MYO16: variants seen among roughly 807,000 people sequenced by gnomAD.
MYO16 encodes the protein myosin XVI.
Under a neutral mutation model 205.3 loss-of-function variants are expected in MYO16, and 94 were observed. The ratio of observed to expected loss-of-function variants is 0.46; its 90% CI spans 0.39 to 0.54. The LOEUF (loss-of-function observed/expected upper bound fraction) is 0.54, where lower values mean the gene tolerates loss of function less well. MYO16 is among the 20% of genes least tolerant of loss of function. The pLI is 0.00. For synonymous variants in MYO16, 988 were observed against 954.0 expected (o/e 1.04, Z -0.66); for missense variants, 2,315 against 2,387.5 (o/e 0.97, Z 0.63).
chr13:108,629,924 T>G (rs1358994987), intron 1 of MYO16, 52 bp downstream of exon 1: 2 of 1,483,132 alleles, frequency 1.3e-6, no homozygotes, highest in East Asian at 2.5e-5. Context: ...GTTGAAGTAT[T>G]ATTTTGTGCA....
intron 27 of MYO16, among the ~76,000 whole-genome samples, chr13:109,058,579 A>G (rs1249957341): frequency 6.6e-6 from 1 of 152,146 alleles, no homozygotes; most frequent in African/African-American, 2.4e-5. Flanking sequence ...ATTTTAAAAT[A>G]TTTTTTGCTA....
intron 16 of MYO16, among the ~76,000 whole-genome samples, chr13:108,933,519 ATGTG>A (rs1189194198): frequency 6.8e-6 from 1 of 147,592 alleles, no homozygotes; most frequent in Non-Finnish European, 1.5e-5. Flanking sequence ...GTGTGTGTGT[ATGTG>A]TGTGTGTATG....
chr13:108,521,720 T>TAA, the MYO16 span, among the ~76,000 whole-genome samples: 2 of 152,176 alleles, frequency 1.3e-5, no homozygotes, highest in African/African-American at 4.8e-5. Context: ...TAATTATATA[T>TAA]AATGATCTGT....
Position 109,207,826 on chromosome 13 carries a change from A to G in MYO16, c.*990A>G, listed in dbSNP as rs7993754. Reference sequence around the variant, plus strand: ...GGGACTTACACTGCATGATTCCCTCACTGTATATCCTCAACCCTCCCATAA... The same window carrying G: ...GGGACTTACACTGCATGATTCCCTCGCTGTATATCCTCAACCCTCCCATAA... On this transcript the variant is annotated 3_prime_UTR_variant, in exon 35 of 35. Transcript: ENST00000457511. 94,258 of 152,142 alleles carry G rather than the reference A, an allele frequency of 0.62. 31,447 individuals are homozygous for G. The highest frequency in any genetic ancestry group is 0.86 in the African/African-American group (35,666 of 41,518). 9.4% of individuals were successfully genotyped at this position (152,142 alleles called of 1,614,324 possible). A position where few individuals can be genotyped will look rare whatever the true frequency, so the allele number is the denominator to read the frequency against.
At chr13:108,895,971 A>G (rs1880393346) in intron 14 of MYO16, among the ~76,000 whole-genome samples, 1 of 152,214 alleles carries the variant, frequency 6.6e-6, no homozygotes, top group Non-Finnish European at 1.5e-5. Flanking sequence ...AGAATTAAGG[A>G]AAATGAGGTT....
intron 32 of MYO16, among the ~76,000 whole-genome samples, chr13:109,143,983 T>C (rs546331980): frequency 5.6e-4 from 85 of 152,112 alleles, no homozygotes; most frequent in African/African-American, 1.8e-3. Context: ...TGTAGTTAGA[T>C]TATGGGAGTC....
At chr13:108,913,984 GA>G (rs1881377610) in intron 16 of MYO16, among the ~76,000 whole-genome samples, 1 of 151,738 alleles carries the variant, frequency 6.6e-6, no homozygotes, top group African/African-American at 2.4e-5. Flanking sequence ...AATTTGTTCT[GA>G]CCACGAGGCA....
chr13:108,916,674 A>G (rs1462333230), intron 16 of MYO16, among the ~76,000 whole-genome samples: 1 of 152,222 alleles, frequency 6.6e-6, no homozygotes, highest in Non-Finnish European at 1.5e-5. Context: ...TAGCCATTAT[A>G]TGAGTGTTAG....
chr13:109,048,617 C>G (rs1887132576), intron 24 of MYO16: 5 of 339,920 alleles, frequency 1.5e-5, no homozygotes, highest in East Asian at 4.4e-5. Flanking sequence ...CTCACTCACT[C>G]TATCATAAAA....
At chr13:108,500,729 C>G in the MYO16 span, among the ~76,000 whole-genome samples, 1 of 152,192 alleles carries the variant, frequency 6.6e-6, no homozygotes. Flanking sequence ...GGACCAGGCC[C>G]TAATTCATCT....
chr13:108,968,893 T>C, intron 20 of MYO16, among the ~76,000 whole-genome samples: 1 of 152,172 alleles, frequency 6.6e-6, no homozygotes, highest in Non-Finnish European at 1.5e-5. Flanking sequence ...CCAGGCTTCC[T>C]CCTAGACTCT....
the MYO16 span, among the ~76,000 whole-genome samples, chr13:108,553,023 T>C: frequency 8.3e-6 from 1 of 120,668 alleles, no homozygotes; most frequent in Non-Finnish European, 1.6e-5. Flanking sequence ...TTTTTTTTTT[T>C]TTTTTTTTTT....
intron 16 of MYO16, among the ~76,000 whole-genome samples, chr13:108,918,330 A>G (rs188323464): frequency 6.6e-6 from 1 of 152,392 alleles, no homozygotes; most frequent in East Asian, 1.9e-4. Context: ...ACACAACTGC[A>G]CATGCATATA....
chr13:109,156,116 T>C (rs1435911260), intron 32 of MYO16, among the ~76,000 whole-genome samples: 2 of 152,226 alleles, frequency 1.3e-5, no homozygotes, highest in Non-Finnish European at 2.9e-5. Flanking sequence ...ATCTATATTT[T>C]AGAGATTTAA....
At chr13:108,588,974 A>G in the MYO16 span, among the ~76,000 whole-genome samples, 1 of 152,044 alleles carries the variant, frequency 6.6e-6, no homozygotes, top group African/African-American at 2.4e-5. Flanking sequence ...TGTGTACAAC[A>G]CATTGGAATC....
At chr13:109,103,000 T>G (rs2139718744) in intron 28 of MYO16, among the ~76,000 whole-genome samples, 1 of 152,290 alleles carries the variant, frequency 6.6e-6, no homozygotes, top group East Asian at 1.9e-4. Context: ...TGTTGTCTAG[T>G]CAGAAAAGAC....
intron 32 of MYO16, among the ~76,000 whole-genome samples, chr13:109,155,038 T>A (rs2139846396): frequency 6.6e-6 from 1 of 152,086 alleles, no homozygotes; most frequent in East Asian, 1.9e-4. Flanking sequence ...TAGTTAAATT[T>A]AAAAGGAAAT....
chr13:109,163,450 C>A (rs912844431), intron 32 of MYO16, among the ~76,000 whole-genome samples: 10 of 66,512 alleles, frequency 1.5e-4, no homozygotes, highest in Admixed American at 1.4e-3. Context: ...GGAGATGGAA[C>A]CTTCCCTTCC....
At chr13:108,662,949 T>C (rs1296415191) in intron 1 of MYO16, among the ~76,000 whole-genome samples, 1 of 152,172 alleles carries the variant, frequency 6.6e-6, no homozygotes, top group Non-Finnish European at 1.5e-5. Context: ...TCTACCCATG[T>C]ATTTTGCTCA....
Sources: gnomAD v4.1 joint callset for allele counts (sites outside exome capture counted in the v4.1 genomes callset) on GRCh38, gnomAD v4.1.1 for gene constraint, MANE v1.5 for transcripts, NCBI Gene and HGNC (gene_info 2026-07-23, HGNC 2026-07-21) for gene names.